The following SH3BP4 variants were observed in gnomAD, a reference collection of about 807,000 sequenced individuals.
SH3BP4 encodes the protein SH3 domain binding protein 4.
In SH3BP4, 33 loss-of-function variants were observed where a neutral mutation model predicts 65.5. The ratio of observed to expected loss-of-function variants is 0.50; its 90% confidence interval spans 0.38 to 0.67. SH3BP4 has a LOEUF of 0.67. Among genes scored for constraint, SH3BP4 ranks in the 30% least tolerant of loss-of-function variants. The probability of loss-of-function intolerance (pLI) is 0.00; values close to 1 mark genes in which losing one functional copy is unlikely to be tolerated. For missense variants in SH3BP4, 1,134 were observed against 1,261.4 expected (o/e 0.90, Z 1.53); for synonymous variants, 552 against 545.5 (o/e 1.01, Z -0.17).
rs57539980 is a variant in SH3BP4, at chr2:235,035,844, C to A, written c.118+724C>A. On this transcript the variant is annotated intron_variant, in intron 3 of 5. Coordinates refer to ENST00000392011, the MANE Select transcript of SH3BP4 (RefSeq NM_014521.3). This position sits in a 1 kb window ranked among gnomAD's most constrained non-coding sequence, Gnocchi z 5.0. Reference sequence around the variant, plus strand: ...TTTCTTCCTGCACATCTGCCCTAACCTAGGCCACGTTCAGTCTCTCTCACA... The same window carrying A: ...TTTCTTCCTGCACATCTGCCCTAACATAGGCCACGTTCAGTCTCTCTCACA... 2.8e-4 allele frequency among the ~76,000 whole-genome samples: 43 copies of A among 152,312 alleles called. No individual in the cohort carries two copies. Among genetic ancestry groups the A allele is most frequent in the African/African-American group, 1.0e-3 (43 of 41,548 alleles).
chr2:234,983,728 G>C (rs1452243833), intron 1 of SH3BP4, among the ~76,000 whole-genome samples: 1 of 152,164 alleles, frequency 6.6e-6, no homozygotes, highest in Non-Finnish European at 1.5e-5. Flanking sequence ...ACAGCAGGAG[G>C]CCCTGGAATG....
rs1246001684 is a variant in SH3BP4 at position 234,952,499 on chromosome 2, C to T, written c.-207+329C>T. On this transcript the variant is annotated intron_variant, in intron 1 of 5. Transcript: ENST00000392011. This position sits in a 1 kb window ranked among gnomAD's most constrained non-coding sequence, Gnocchi z 6.5. ...CCCCCAACCCCGGCTCTGGCCACTT[C>T]CCGGCGGGCGGCCCTGCGGGGTGGC... Among the ~76,000 whole-genome samples, 1 of 151,574 alleles carries T rather than the reference C, an allele frequency of 6.6e-6. No homozygotes were observed. The highest frequency in any genetic ancestry group is 2.4e-5 in the African/African-American group (1 of 41,334).
Position 235,054,891 on chromosome 2 carries a change from C to T in SH3BP4, c.*1075C>T, listed in dbSNP as rs1244783638. 1.3e-5 allele frequency: 2 copies of T among 152,250 alleles called. No homozygotes were observed. Among genetic ancestry groups the T allele is most frequent in the Non-Finnish European group, 2.9e-5 (2 of 68,050 alleles). 9.4% of individuals were successfully genotyped at this position (152,250 alleles called of 1,614,324 possible). A position where few individuals can be genotyped will look rare whatever the true frequency, so the allele number is the denominator to read the frequency against. On this transcript the variant is annotated 3_prime_UTR_variant, in exon 6 of 6. Transcript: ENST00000392011. ...TGCCAAACTCTGCATTTCATTTCATCTAAGGCTTAACCCCTCTTCCTTCCT... is the reference window on the plus strand; with the variant it reads ...TGCCAAACTCTGCATTTCATTTCATTTAAGGCTTAACCCCTCTTCCTTCCT...
chr2:234,964,717 G>C (rs1267926865), intron 1 of SH3BP4, among the ~76,000 whole-genome samples: 1 of 152,188 alleles, frequency 6.6e-6, no homozygotes. Flanking sequence ...CTTCCCAAGA[G>C]CACCTGGGAG....
intron 2 of SH3BP4, among the ~76,000 whole-genome samples, chr2:235,016,203 C>G (rs1694680419): frequency 6.6e-6 from 1 of 151,892 alleles, no homozygotes; most frequent in Admixed American, 6.6e-5. Flanking sequence ...CCCAGGGGAG[C>G]TTGCTGTGAT....
chr2:235,019,075 C>T (rs1005356831), intron 2 of SH3BP4, among the ~76,000 whole-genome samples: 6 of 152,156 alleles, frequency 3.9e-5, no homozygotes, highest in African/African-American at 1.2e-4. Context: ...CGTTGTGCAC[C>T]AGGAAGGAGC....
intron 2 of SH3BP4, among the ~76,000 whole-genome samples, chr2:235,021,819 T>A (rs2106310326): frequency 6.6e-6 from 1 of 152,268 alleles, no homozygotes; most frequent in Admixed American, 6.5e-5. Context: ...CAGCCCCGAT[T>A]CAGACCCTAG....
At chr2:234,965,448 G>A (rs948333639) in intron 1 of SH3BP4, among the ~76,000 whole-genome samples, 2 of 152,214 alleles carry the variant, frequency 1.3e-5, no homozygotes, top group Admixed American at 1.3e-4. Flanking sequence ...CTTCTGTGTT[G>A]AACCCACATT....
intron 4 of SH3BP4, among the ~76,000 whole-genome samples, chr2:235,049,213 G>A (rs73995775): frequency 0.013 from 1,935 of 152,188 alleles, 34 homozygotes; most frequent in African/African-American, 0.044. Flanking sequence ...TGGAGTCCAG[G>A]CGCTCTCCTT....
At chr2:235,032,399 T>C (rs1433768908) in intron 2 of SH3BP4, among the ~76,000 whole-genome samples, 1 of 152,250 alleles carries the variant, frequency 6.6e-6, no homozygotes, top group Non-Finnish European at 1.5e-5. Flanking sequence ...CACCCACTCA[T>C]GGGTCTCTTC....
chr2:234,965,758 G>A (rs181970000), intron 1 of SH3BP4, among the ~76,000 whole-genome samples: 1 of 152,252 alleles, frequency 6.6e-6, no homozygotes, highest in African/African-American at 2.4e-5. Flanking sequence ...CTGTGTTGGA[G>A]GGCTGCGACT....
At chr2:235,011,470 T>C (rs1574818361) in intron 2 of SH3BP4, among the ~76,000 whole-genome samples, 2 of 152,322 alleles carry the variant, frequency 1.3e-5, no homozygotes, top group Non-Finnish European at 2.9e-5. Context: ...TTTCCAAATA[T>C]GGTAAAATGT....
rs377503221 is a variant in SH3BP4, at chr2:235,046,513, A to C, written c.2478+3266A>C. Among the ~76,000 whole-genome samples, 2 of 152,056 alleles carry C rather than the reference A, an allele frequency of 1.3e-5. No individual in the cohort carries two copies. The highest frequency in any genetic ancestry group is 2.9e-5 in the Non-Finnish European group (2 of 68,024). On this transcript the variant is annotated intron_variant, in intron 4 of 5. Transcript: ENST00000392011. This position sits in a 1 kb window ranked among gnomAD's most constrained non-coding sequence, Gnocchi z 4.2. ...CTTGAGCCCAGGAGGTCGAGGCTAC[A>C]CTGAGCTATGATCGCAGCACTGCAC...
chr2:235,051,183 A>G (rs1035396985), intron 4 of SH3BP4, among the ~76,000 whole-genome samples: 5 of 152,204 alleles, frequency 3.3e-5, no homozygotes, highest in Non-Finnish European at 7.3e-5. Context: ...GCTCAGAGCC[A>G]CACGCTAACC....
At position 234,974,720 on chromosome 2, in the gene SH3BP4, C is replaced by A. The variant is rs751467285; in HGVS notation, c.-206-20583C>A. 6.6e-6 allele frequency among the ~76,000 whole-genome samples: 1 copy of A among 152,150 alleles called. No homozygotes were observed. Among genetic ancestry groups the A allele is most frequent in the Non-Finnish European group, 1.5e-5 (1 of 68,036 alleles). On this transcript the variant is annotated intron_variant, in intron 1 of 5. Transcript: ENST00000392011. This position sits in a 1 kb window ranked among gnomAD's most constrained non-coding sequence, Gnocchi z 4.6. ...ACAAGCTCTCTTAGTTCCGAAAAAT[C>A]GAGGGGTTCCTTGCCAGCTTCTCTG...
In SH3BP4 at chr2:234,955,239, C is replaced by T. The variant is rs920009918; in HGVS notation, c.-207+3069C>T. Among the ~76,000 whole-genome samples the T allele has an allele frequency of 2.6e-5, 4 of 152,140 alleles. No individual in the cohort carries two copies. The South Asian group carries it at 6.2e-4, about 24-fold the overall frequency. On this transcript the variant is annotated intron_variant, in intron 1 of 5. Coordinates refer to ENST00000392011, the MANE Select transcript of SH3BP4 (RefSeq NM_014521.3). ...TCTCAGTGCGCGGGTCAGCTTTGCT[C>T]CTGGCCAGGAGCGAGCCTCAGGCCA...
At chr2:234,999,190 G>A (rs534436471) in intron 2 of SH3BP4, among the ~76,000 whole-genome samples, 24 of 152,316 alleles carry the variant, frequency 1.6e-4, no homozygotes, top group African/African-American at 5.5e-4. Flanking sequence ...GACTAAGAAC[G>A]GCGCCTGCCT....
At chr2:234,988,332 T>A (rs1258216590) in intron 1 of SH3BP4, among the ~76,000 whole-genome samples, 1 of 152,184 alleles carries the variant, frequency 6.6e-6, no homozygotes, top group African/African-American at 2.4e-5. Context: ...GTGCTGGGAT[T>A]ACAGGCGTGA....
At chr2:234,965,003 C>T (rs1692804416) in intron 1 of SH3BP4, among the ~76,000 whole-genome samples, 1 of 152,162 alleles carries the variant, frequency 6.6e-6, no homozygotes, top group Non-Finnish European at 1.5e-5. Flanking sequence ...CCCAGTGCTC[C>T]CGTGACCCAC....
Sources: gnomAD v4.1 joint callset for allele counts (sites outside exome capture counted in the v4.1 genomes callset) on GRCh38, gnomAD v4.1.1 for gene constraint, Gnocchi (gnomAD v3.1) non-coding constraint, MANE v1.5 for transcripts, NCBI Gene and HGNC (gene_info 2026-07-23, HGNC 2026-07-21) for gene names.